The following VDR variants were observed in gnomAD, a reference collection of about 807,000 sequenced individuals.
The protein encoded by VDR is vitamin D receptor.
In VDR, 19 loss-of-function variants were observed where a neutral mutation model predicts 39.7. The observed-to-expected ratio is 0.48, with a 90% CI of 0.33 to 0.70. VDR has a LOEUF of 0.70. VDR is among the 30% of genes least tolerant of loss of function. The pLI, the probability that VDR is intolerant of heterozygous loss-of-function variation, is 0.02. For missense variants in VDR, 442 were observed against 570.5 expected (o/e 0.77, Z 2.29); for synonymous variants, 242 against 215.8 (o/e 1.12, Z -1.07).
chr12:47,859,515 C>G (rs1223620846), intron 4 of VDR, among the ~76,000 whole-genome samples: 1 of 152,152 alleles, frequency 6.6e-6, no homozygotes, highest in East Asian at 1.9e-4. Flanking sequence ...TTTCTCTCCC[C>G]CAAACCTGTA....
At chr12:47,878,109 GA>G (rs1308364239) in intron 3 of VDR, among the ~76,000 whole-genome samples, 1 of 152,220 alleles carries the variant, frequency 6.6e-6, no homozygotes, top group Non-Finnish European at 1.5e-5. Context: ...CTCTGGACTT[GA>G]TTTGTGCTTT....
At chr12:47,892,112 G>GGCCATTCACTTA (rs1195758119) in intron 1 of VDR, among the ~76,000 whole-genome samples, 3 of 152,230 alleles carry the variant, frequency 2.0e-5, no homozygotes, top group Non-Finnish European at 4.4e-5. Flanking sequence ...GGCCTGGGAA[G>GGCCATTCACTTA]GCCATTCACT....
chr12:47,892,760 G>A (rs1277794016), intron 1 of VDR, among the ~76,000 whole-genome samples: 1 of 152,144 alleles, frequency 6.6e-6, no homozygotes, highest in African/African-American at 2.4e-5. Flanking sequence ...AATTCAGTAC[G>A]ACACATCCTA....
At chr12:47,878,473 C>T (rs564553818) in intron 3 of VDR, among the ~76,000 whole-genome samples, 63 of 152,330 alleles carry the variant, frequency 4.1e-4, no homozygotes, top group African/African-American at 1.5e-3. Context: ...CCAGGACAAA[C>T]AGTCCTTGGG....
intron 2 of VDR, 181 bp downstream of exon 2, chr12:47,882,513 C>A: frequency 1.7e-6 from 1 of 593,220 alleles, no homozygotes. Flanking sequence ...TGAACTCCCA[C>A]CCGCACCCCA....
chr12:47,862,040 A>G (rs944845762), intron 4 of VDR, among the ~76,000 whole-genome samples: 4 of 152,238 alleles, frequency 2.6e-5, no homozygotes, highest in Non-Finnish European at 5.9e-5. Flanking sequence ...CCACACATTT[A>G]TTGAGCACCT....
intron 1 of VDR, among the ~76,000 whole-genome samples, chr12:47,887,534 A>G (rs1402141298): frequency 3.9e-5 from 6 of 152,244 alleles, no homozygotes; most frequent in African/African-American, 1.4e-4. Context: ...CCTGGGTTAC[A>G]CTTAATTTTG....
chr12:47,893,023 T>C (rs1005075732), intron 1 of VDR, among the ~76,000 whole-genome samples: 1 of 152,138 alleles, frequency 6.6e-6, no homozygotes, highest in African/African-American at 2.4e-5. Context: ...TCATTCAATG[T>C]GGCTGGAGAG....
At chr12:47,866,602 G>T (rs924732433) in intron 3 of VDR, among the ~76,000 whole-genome samples, 2 of 152,170 alleles carry the variant, frequency 1.3e-5, no homozygotes, top group African/African-American at 4.8e-5. Context: ...CCCAGAACCT[G>T]CCCAGAAAAA....
chr12:47,887,227 C>T lies in VDR; in HGVS notation c.-83-4453G>A, dbSNP rs187861971. On this transcript the variant is annotated intron_variant, in intron 1 of 9. Transcript: ENST00000549336. ...ATCCCAGCTACTCAGGAGGCTGAGG[C>T]GGGAGAATCTCTTGAACCAGGGAGG... Among the ~76,000 whole-genome samples, 67 of 140,462 alleles carry T rather than the reference C, an allele frequency of 4.8e-4. No individual in the cohort carries two copies. The East Asian group carries it at 0.012, about 26-fold the overall frequency. The allele number at this position is 140,462 out of a possible 152,430, so 92.1% of individuals were successfully genotyped here.
intron 7 of VDR, among the ~76,000 whole-genome samples, chr12:47,854,154 C>T (rs1019372633): frequency 6.6e-6 from 1 of 152,094 alleles, no homozygotes; most frequent in African/African-American, 2.4e-5. Flanking sequence ...CAGGGTCTTG[C>T]TCTGTTGCCC....
At chr12:47,846,058 C>T (rs370819794) in intron 9 of VDR, among the ~76,000 whole-genome samples, 6 of 152,344 alleles carry the variant, frequency 3.9e-5, no homozygotes, top group East Asian at 1.9e-4. Flanking sequence ...AATGCGCAGG[C>T]CTGTCTGTGG....
intron 1 of VDR, chr12:47,904,462 TAAA>T (rs17886628): frequency 0.035 from 12,267 of 355,274 alleles, 29 homozygotes; most frequent in African/African-American, 0.066. Flanking sequence ...CAAAGAAAAG[TAAA>T]AAAAAAAAAA....
At position 47,892,985 on chromosome 12, in the gene VDR, G is replaced by A. The variant is rs1946397443; in HGVS notation, c.-83-10211C>T. Among the ~76,000 whole-genome samples the A allele has an allele frequency of 2.0e-5, 3 of 152,282 alleles. No homozygotes were observed. In the South Asian group the frequency reaches 6.2e-4, roughly 32 times the overall value. On this transcript the variant is annotated intron_variant, in intron 1 of 9. Coordinates refer to ENST00000549336, the MANE Select transcript of VDR (RefSeq NM_000376.3). ...CACATGCAAAAGCTGAGAGCGAAAG[G>A]GAAAGAACATGTTTGGGACAGAGAA... is the stretch of plus-strand genomic sequence containing the variant.
chr12:47,859,392 T>C (rs1380867912), intron 4 of VDR, among the ~76,000 whole-genome samples: 1 of 152,206 alleles, frequency 6.6e-6, no homozygotes, highest in East Asian at 1.9e-4. Context: ...TCTTAGTGCT[T>C]CTGGACACAG....
chr12:47,843,174 C>T lies in VDR; in HGVS notation c.*1572G>A, dbSNP rs1334654524. On this transcript the variant is annotated 3_prime_UTR_variant, in exon 10 of 10. Coordinates refer to ENST00000549336, the MANE Select transcript of VDR (RefSeq NM_000376.3). ...AACGTGGCTTTCAGATGTTTTTCCA[C>T]CTGAAGAATTCTGAGAGACATGGGG... The T allele has an allele frequency of 6.6e-6, 1 of 152,276 alleles. No individual in the cohort carries two copies. Among genetic ancestry groups the T allele is most frequent in the African/African-American group, 2.4e-5 (1 of 41,428 alleles). The allele number at this position is 152,276 out of a possible 1,614,324, so 9.4% of individuals were successfully genotyped here.
At chr12:47,854,726 A>T (rs1262526107) in intron 7 of VDR, among the ~76,000 whole-genome samples, 1 of 152,226 alleles carries the variant, frequency 6.6e-6, no homozygotes, top group East Asian at 1.9e-4. Flanking sequence ...TGGCCATTGG[A>T]CCTCTCTGGG....
intron 6 of VDR, among the ~76,000 whole-genome samples, 194 bp downstream of exon 6, chr12:47,856,935 A>C (rs1020144652): frequency 3.9e-5 from 6 of 152,226 alleles, no homozygotes; most frequent in African/African-American, 1.4e-4. Flanking sequence ...CCTCTTCCCC[A>C]GTGTGGGCCC....
intron 1 of VDR, among the ~76,000 whole-genome samples, chr12:47,889,501 C>G (rs1205591332): frequency 6.6e-6 from 1 of 152,188 alleles, no homozygotes; most frequent in Non-Finnish European, 1.5e-5. Context: ...GGCTTCAGCT[C>G]CCGTGGCCAA....
Sources: gnomAD v4.1 joint callset for allele counts (sites outside exome capture counted in the v4.1 genomes callset) on GRCh38, gnomAD v4.1.1 for gene constraint, MANE v1.5 for transcripts, NCBI Gene and HGNC (gene_info 2026-07-23, HGNC 2026-07-21) for gene names.